ERBB4: variants seen among roughly 807,000 people sequenced by gnomAD.
ERBB4 encodes the protein receptor tyrosine-protein kinase erbB-4.
Under a neutral mutation model 158.0 loss-of-function variants are expected in ERBB4, and 42 were observed. The ratio of observed to expected loss-of-function variants is 0.27; its 90% CI spans 0.21 to 0.34. ERBB4 has a LOEUF of 0.34. Ranked by LOEUF, ERBB4 falls within the 10% of genes least tolerant of loss-of-function variation. The pLI is 1.00. For missense variants in ERBB4, 1,333 were observed against 1,624.1 expected (o/e 0.82, Z 3.08); for synonymous variants, 583 against 558.7 (o/e 1.04, Z -0.61).
At chr2:211,848,295 C>A (rs908261348) in intron 3 of ERBB4, among the ~76,000 whole-genome samples, 2 of 151,994 alleles carry the variant, frequency 1.3e-5, no homozygotes, top group Non-Finnish European at 1.5e-5. Flanking sequence ...CACAGCATAG[C>A]CTGTATGACA....
chr2:211,749,335 T>C (rs923391153), intron 5 of ERBB4, among the ~76,000 whole-genome samples: 21 of 152,158 alleles, frequency 1.4e-4, no homozygotes, highest in Non-Finnish European at 1.0e-4. Context: ...CATGCATGGG[T>C]TGAAGAAATC....
At chr2:211,581,135 T>G in intron 19 of ERBB4, among the ~76,000 whole-genome samples, 1 of 149,422 alleles carries the variant, frequency 6.7e-6, no homozygotes, top group South Asian at 2.1e-4. Flanking sequence ...GGGGAGGGGG[T>G]GAAGCATACA....
intron 16 of ERBB4, among the ~76,000 whole-genome samples, chr2:211,651,281 A>G (rs1370084897): frequency 6.6e-6 from 1 of 152,210 alleles, no homozygotes; most frequent in Non-Finnish European, 1.5e-5. Flanking sequence ...TCTCTCATAC[A>G]TAGATGTGCC....
intron 1 of ERBB4, among the ~76,000 whole-genome samples, chr2:212,386,626 T>C (rs1447580474): frequency 6.6e-6 from 1 of 150,718 alleles, no homozygotes; most frequent in Non-Finnish European, 1.5e-5. Context: ...CTGGGACAAA[T>C]TACCTAGCAT....
At chr2:211,454,033 C>T (rs2064317910) in intron 20 of ERBB4, among the ~76,000 whole-genome samples, 1 of 152,156 alleles carries the variant, frequency 6.6e-6, no homozygotes, top group African/African-American at 2.4e-5. Context: ...CCAAATGTCT[C>T]TGGAAAAAAA....
chr2:212,406,907 T>C (rs886679588), intron 1 of ERBB4, among the ~76,000 whole-genome samples: 1 of 152,102 alleles, frequency 6.6e-6, no homozygotes, highest in Non-Finnish European at 1.5e-5. Flanking sequence ...TCTCTGAACA[T>C]GCCATGCTTT....
intron 1 of ERBB4, among the ~76,000 whole-genome samples, chr2:212,477,055 A>T (rs1689441849): frequency 6.6e-6 from 1 of 152,168 alleles, no homozygotes; most frequent in Non-Finnish European, 1.5e-5. Flanking sequence ...TAGTGTAATT[A>T]AAAAGATTAA....
intron 20 of ERBB4, among the ~76,000 whole-genome samples, chr2:211,540,219 T>TCC (rs1559275697): frequency 1.8e-4 from 27 of 150,418 alleles, no homozygotes; most frequent in Admixed American, 1.5e-3. Flanking sequence ...CACACACATA[T>TCC]ATATAATACA....
At chr2:212,263,492 A>G (rs972146375) in intron 1 of ERBB4, among the ~76,000 whole-genome samples, 1 of 152,142 alleles carries the variant, frequency 6.6e-6, no homozygotes, top group Non-Finnish European at 1.5e-5. Flanking sequence ...GCGGACTTCT[A>G]TGCACCAAAT....
At chr2:212,531,149 G>A (rs1692734121) in intron 1 of ERBB4, among the ~76,000 whole-genome samples, 1 of 152,018 alleles carries the variant, frequency 6.6e-6, no homozygotes. Flanking sequence ...ATCTTTTACG[G>A]GGGTCCACTT....
intron 18 of ERBB4, among the ~76,000 whole-genome samples, chr2:211,620,883 G>T (rs1178453323): frequency 1.3e-5 from 2 of 152,110 alleles, no homozygotes; most frequent in Non-Finnish European, 2.9e-5. Flanking sequence ...AGGCAGGAGG[G>T]TCTCTTGAGC....
chr2:212,253,004 GAC>G (rs143835630), intron 1 of ERBB4, among the ~76,000 whole-genome samples: 2,725 of 152,208 alleles, frequency 0.018, 79 homozygotes, highest in African/African-American at 0.063. Flanking sequence ...TAATATTCAT[GAC>G]AGTTTGACAT....
intron 1 of ERBB4, among the ~76,000 whole-genome samples, chr2:212,394,648 C>A (rs923520293): frequency 3.9e-5 from 6 of 152,074 alleles, no homozygotes; most frequent in African/African-American, 1.4e-4. Context: ...CCACGTGCTT[C>A]CATGTGCTTA....
At chr2:212,103,258 A>C (rs1195833107) in intron 2 of ERBB4, among the ~76,000 whole-genome samples, 2 of 152,080 alleles carry the variant, frequency 1.3e-5, no homozygotes, top group Non-Finnish European at 2.9e-5. Context: ...GCTGAAAGGG[A>C]AGTCATTTTG....
intron 3 of ERBB4, among the ~76,000 whole-genome samples, chr2:211,813,838 AT>A (rs1371153274): frequency 2.0e-5 from 3 of 152,262 alleles, no homozygotes; most frequent in Admixed American, 2.0e-4. Flanking sequence ...CTCAAAATTA[AT>A]TCATCAAAAA....
intron 2 of ERBB4, among the ~76,000 whole-genome samples, chr2:212,005,068 T>C (rs557757173): frequency 6.6e-6 from 1 of 152,294 alleles, no homozygotes; most frequent in Non-Finnish European, 1.5e-5. Context: ...ATACATCAAA[T>C]TATCAACTAC....
At chr2:211,497,503 A>T (rs2065498978) in intron 20 of ERBB4, among the ~76,000 whole-genome samples, 1 of 152,124 alleles carries the variant, frequency 6.6e-6, no homozygotes. Flanking sequence ...CACTGATAGG[A>T]AAATAAGACG....
chr2:211,578,359 G>A (rs1442071621), intron 19 of ERBB4, among the ~76,000 whole-genome samples: 3 of 152,102 alleles, frequency 2.0e-5, no homozygotes, highest in East Asian at 1.9e-4. Context: ...AATTAATATC[G>A]TGAAAATGGC....
At chr2:211,812,346 C>T (rs1167255438) in intron 3 of ERBB4, among the ~76,000 whole-genome samples, 4 of 152,264 alleles carry the variant, frequency 2.6e-5, no homozygotes, top group East Asian at 1.9e-4. Flanking sequence ...GTATCACCAG[C>T]GGAGGCTGCG....
Sources: allele counts gnomAD v4.1 joint callset (sites outside exome capture counted in the v4.1 genomes callset), GRCh38; gene constraint gnomAD v4.1.1; transcripts MANE v1.5; gene names NCBI Gene and HGNC (gene_info 2026-07-23, HGNC 2026-07-21).